BICD1: variants seen among roughly 807,000 people sequenced by gnomAD.
BICD1 encodes protein bicaudal D homolog 1.
A neutral mutation model predicts 92.5 loss-of-function variants in BICD1; 35 were observed. That is an observed-to-expected ratio of 0.38 (90% CI 0.29 to 0.50). The LOEUF (loss-of-function observed/expected upper bound fraction) is 0.50. BICD1 is among the 20% of genes least tolerant of loss of function. The probability of loss-of-function intolerance (pLI) is 0.93; values close to 1 mark genes in which losing one functional copy is unlikely to be tolerated. For missense variants in BICD1, 950 were observed against 1,189.8 expected (o/e 0.80, Z 2.97); for synonymous variants, 429 against 465.1 (o/e 0.92, Z 1.00).
At chr12:32,291,663 T>C (rs1453959503) in intron 2 of BICD1, among the ~76,000 whole-genome samples, 1 of 151,340 alleles carries the variant, frequency 6.6e-6, no homozygotes, top group Non-Finnish European at 1.5e-5. Flanking sequence ...CATAGTGAAA[T>C]ACCATCTCTA....
chr12:32,176,936 G>C (rs888489924), intron 1 of BICD1, among the ~76,000 whole-genome samples: 1 of 151,686 alleles, frequency 6.6e-6, no homozygotes, highest in African/African-American at 2.4e-5. Flanking sequence ...ATTCCCAAGA[G>C]TGTAATTGCT....
intron 3 of BICD1, among the ~76,000 whole-genome samples, chr12:32,301,404 G>T (rs1181796062): frequency 6.6e-6 from 1 of 152,110 alleles, no homozygotes; most frequent in South Asian, 2.1e-4. Flanking sequence ...AGGTTGGAGA[G>T]AGTCAGTCAC....
intron 2 of BICD1, among the ~76,000 whole-genome samples, chr12:32,279,051 T>C (rs1418297552): frequency 3.9e-5 from 6 of 152,194 alleles, no homozygotes; most frequent in Non-Finnish European, 2.9e-5. Flanking sequence ...AAGCTGTCTA[T>C]AGACTTCAAA....
chr12:32,176,323 T>A (rs1340667811), intron 1 of BICD1, among the ~76,000 whole-genome samples: 1 of 152,182 alleles, frequency 6.6e-6, no homozygotes, highest in Non-Finnish European at 1.5e-5. Flanking sequence ...CACCATTTTA[T>A]ATTTCTAGCA....
In BICD1 at chr12:32,178,310, T is replaced by C. The variant is rs186243303; in HGVS notation, c.214-37937T>C. On this transcript the variant is annotated intron_variant, in intron 1 of 9. Transcript: ENST00000652176. Reference sequence around the variant, plus strand: ...AAGTAAGATCTCAGCATTAAAGAGATGCAGGTATGAGTGTTAAAGAAGAGC... The same window carrying C: ...AAGTAAGATCTCAGCATTAAAGAGACGCAGGTATGAGTGTTAAAGAAGAGC... Among the ~76,000 whole-genome samples the C allele has an allele frequency of 6.6e-5, 10 of 152,024 alleles. No homozygotes were observed. In the East Asian group the frequency reaches 1.9e-3, roughly 29 times the overall value.
intron 1 of BICD1, among the ~76,000 whole-genome samples, chr12:32,130,882 G>C (rs12821691): frequency 0.15 from 23,033 of 152,096 alleles, 2,062 homozygotes; most frequent in Non-Finnish European, 0.18. Context: ...CTGTCGCCCA[G>C]GTTGGAGTTC....
At chr12:32,112,101 G>T (rs1381006283) in intron 1 of BICD1, among the ~76,000 whole-genome samples, 1 of 148,764 alleles carries the variant, frequency 6.7e-6, no homozygotes, top group Non-Finnish European at 1.5e-5. Flanking sequence ...CTGCCTCTTG[G>T]GTTCAAGTGA....
At position 32,337,071 on chromosome 12, in the gene BICD1, C is replaced by A. The variant is rs1164939174; in HGVS notation, c.2253-428C>A. On this transcript the variant is annotated intron_variant, in intron 6 of 9. Transcript: ENST00000652176. The surrounding 1 kb of genome is among the most constrained non-coding windows in gnomAD (Gnocchi z 4.7). ...CCAGCCTGGCCAACATGGTGAAACC[C>A]CGTCTCTACTAAAAAAAATACAAAA... is the stretch of plus-strand genomic sequence containing the variant. Among the ~76,000 whole-genome samples the A allele has an allele frequency of 2.0e-5, 3 of 152,042 alleles. No individual in the cohort carries two copies. The highest frequency in any genetic ancestry group is 4.4e-5 in the Non-Finnish European group (3 of 68,002).
chr12:32,176,645 A>G (rs1944097400), intron 1 of BICD1, among the ~76,000 whole-genome samples: 1 of 152,188 alleles, frequency 6.6e-6, no homozygotes, highest in Non-Finnish European at 1.5e-5. Context: ...CCAGAATTTC[A>G]TACAAATCAA....
At chr12:32,191,195 C>G (rs1480031770) in intron 1 of BICD1, among the ~76,000 whole-genome samples, 1 of 151,946 alleles carries the variant, frequency 6.6e-6, no homozygotes, top group Non-Finnish European at 1.5e-5. Context: ...ACAAACTAAG[C>G]CCAAAGTCAG....
intron 1 of BICD1, among the ~76,000 whole-genome samples, chr12:32,214,409 C>T (rs763068024): frequency 7.9e-5 from 12 of 152,130 alleles, no homozygotes; most frequent in East Asian, 1.9e-4. Flanking sequence ...TTCTCTCTCC[C>T]TCTCTCTCCA....
intron 4 of BICD1, among the ~76,000 whole-genome samples, chr12:32,327,132 T>C (rs996635255): frequency 6.6e-6 from 1 of 152,240 alleles, no homozygotes. Flanking sequence ...AGTCCTATGC[T>C]TATCTCTTAA....
intron 5 of BICD1, chr12:32,332,360 C>A: frequency 1.3e-6 from 1 of 785,364 alleles, no homozygotes; most frequent in Non-Finnish European, 1.5e-6. Flanking sequence ...GCACATCCTG[C>A]AGCTGTACCC....
Position 32,249,978 on chromosome 12 carries a change from A to G in BICD1, c.426+33519A>G, listed in dbSNP as rs751455466. On this transcript the variant is annotated intron_variant, in intron 2 of 9. Transcript: ENST00000652176. ...TGAGCTCAAATAGGAGACAAAAGAAAGGATGTTGGGAAAGCTGTATGGTGG... is the reference window on the plus strand; with the variant it reads ...TGAGCTCAAATAGGAGACAAAAGAAGGGATGTTGGGAAAGCTGTATGGTGG... Among the ~76,000 whole-genome samples the G allele has an allele frequency of 2.0e-5, 3 of 150,614 alleles. No individual in the cohort carries two copies. The Admixed American group carries it at 2.0e-4, about 10-fold the overall frequency.
chr12:32,214,959 T>C (rs757918851), intron 1 of BICD1, among the ~76,000 whole-genome samples: 2 of 152,170 alleles, frequency 1.3e-5, no homozygotes, highest in Non-Finnish European at 2.9e-5. Flanking sequence ...CCGGTCGTGG[T>C]GGCTCATGCC....
intron 1 of BICD1, among the ~76,000 whole-genome samples, chr12:32,187,944 AT>A (rs35813557): frequency 0.027 from 3,990 of 147,306 alleles, 164 homozygotes; most frequent in African/African-American, 0.091. Context: ...CTATAAATGC[AT>A]TTTTTTTTTT....
chr12:32,302,459 G>C (rs1272201380), intron 3 of BICD1, among the ~76,000 whole-genome samples: 1 of 152,176 alleles, frequency 6.6e-6, no homozygotes, highest in African/African-American at 2.4e-5. Flanking sequence ...ACATGCCTTT[G>C]AGCAGGTAGT....
chr12:32,339,262 C>G (rs2136283409), intron 8 of BICD1: 1 of 1,103,356 alleles, frequency 9.1e-7, no homozygotes, highest in South Asian at 3.7e-5. Flanking sequence ...AACGCACACA[C>G]ACTTGGATCC....
At chr12:32,200,378 T>C (rs1448781015) in intron 1 of BICD1, among the ~76,000 whole-genome samples, 1 of 152,238 alleles carries the variant, frequency 6.6e-6, no homozygotes, top group East Asian at 1.9e-4. Flanking sequence ...GATGGTTTGC[T>C]CTAGTTGAGC....
Sources: allele counts gnomAD v4.1 joint callset (sites outside exome capture counted in the v4.1 genomes callset), GRCh38; gene constraint gnomAD v4.1.1; non-coding constraint Gnocchi (gnomAD v3.1); transcripts MANE v1.5; gene names NCBI Gene and HGNC (gene_info 2026-07-23, HGNC 2026-07-21).